ZNF695: variants seen among roughly 807,000 people sequenced by gnomAD.
ZNF695 encodes zinc finger protein SBZF3.
Under a neutral mutation model 11.2 loss-of-function variants are expected in ZNF695, and 11 were observed. The observed-to-expected ratio is 0.98, with a 90% CI of 0.62 to 1.62. The LOEUF is 1.62. Among genes scored for constraint, ZNF695 ranks in the 40% most tolerant of loss-of-function variants. ZNF695 has a pLI of 0.00. For synonymous variants in ZNF695, 190 were observed against 201.4 expected (o/e 0.94, Z 0.48); for missense variants, 559 against 590.5 (o/e 0.95, Z 0.55).
Position 246,986,072 on chromosome 1 carries a change from T to G in ZNF695, c.*895A>C, listed in dbSNP as rs1436418404. 1 of 974,894 alleles carries G rather than the reference T, an allele frequency of 1.0e-6. No homozygotes were observed. Among genetic ancestry groups the G allele is most frequent in the Non-Finnish European group, 1.2e-6 (1 of 820,492 alleles). 60.4% of individuals were successfully genotyped at this position (974,894 alleles called of 1,614,324 possible). A position where few individuals can be genotyped will look rare whatever the true frequency, so the allele number is the denominator to read the frequency against. On this transcript the variant is annotated 3_prime_UTR_variant, in exon 4 of 4. Coordinates refer to ENST00000339986, the MANE Select transcript of ZNF695 (RefSeq NM_020394.5). ...CACCGAGTATACTTTATTATTATGT[T>G]GTTATTATTATTATTGAGAAAGGGT...
chr1:246,948,553 C>A (rs1691244), intron 5 of ZNF695, among the ~76,000 whole-genome samples: 74,480 of 151,588 alleles, frequency 0.49, 18,455 homozygotes, highest in Admixed American at 0.57. Context: ...GGAAACAGTA[C>A]CTTGATTTAC....
At chr1:246,978,421 A>C (rs1461282881) in intron 4 of ZNF695, among the ~76,000 whole-genome samples, 2 of 152,242 alleles carry the variant, frequency 1.3e-5, no homozygotes, top group Admixed American at 6.5e-5. Context: ...AAGGTTTTAC[A>C]TTTTGATAAA....
chr1:247,001,414 A>T (rs978353072), intron 1 of ZNF695, among the ~76,000 whole-genome samples: 1 of 151,558 alleles, frequency 6.6e-6, no homozygotes. Context: ...AAAAAAAAAA[A>T]GAAAGAAAGA....
intron 3 of ZNF695, among the ~76,000 whole-genome samples, chr1:246,995,845 C>T (rs1028689933): frequency 3.4e-5 from 5 of 147,006 alleles, no homozygotes; most frequent in African/African-American, 5.0e-5. Flanking sequence ...AAAGAAGCTG[C>T]GGTAATTAAA....
intron 3 of ZNF695, among the ~76,000 whole-genome samples, chr1:246,989,461 C>CA (rs1668960873): frequency 6.6e-6 from 1 of 151,754 alleles, no homozygotes; most frequent in South Asian, 2.1e-4. Flanking sequence ...ATACATCAAA[C>CA]CAAAAAACAT....
At chr1:246,966,928 G>A (rs1006555302) in intron 5 of ZNF695, 5 of 432,540 alleles carry the variant, frequency 1.2e-5, no homozygotes, top group Non-Finnish European at 2.3e-5. Context: ...CATATTAAAT[G>A]TTACTTTTTT....
chr1:246,954,957 C>T (rs1474154462), intron 5 of ZNF695, among the ~76,000 whole-genome samples: 7 of 152,062 alleles, frequency 4.6e-5, no homozygotes, highest in Admixed American at 4.6e-4. Flanking sequence ...GTGTCCCCAC[C>T]CAAATCTCAT....
chr1:246,997,959 A>C (rs1669258011), intron 3 of ZNF695, among the ~76,000 whole-genome samples: 2 of 152,256 alleles, frequency 1.3e-5, no homozygotes, highest in African/African-American at 4.8e-5. Context: ...TAAGCTTTGG[A>C]AATCTAATGA....
downstream of ZNF695, among the ~76,000 whole-genome samples, chr1:246,980,557 C>T (rs191678535): frequency 3.9e-4 from 59 of 151,978 alleles, no homozygotes; most frequent in Middle Eastern, 3.4e-3. Flanking sequence ...GCCGAGATTA[C>T]AGGCGTGCAC....
intron 1 of ZNF695, among the ~76,000 whole-genome samples, chr1:247,004,888 A>G (rs1177521088): frequency 6.6e-6 from 1 of 152,254 alleles, no homozygotes; most frequent in African/African-American, 2.4e-5. Flanking sequence ...AAAGATTTCA[A>G]CAACAGAAAC....
At chr1:246,945,574 T>G (rs1457760896), downstream of ZNF695, 8 of 521,348 alleles carry the variant, frequency 1.5e-5, 1 homozygote, top group South Asian at 2.6e-4. Context: ...TTTCTATTCA[T>G]GGAGTTAGGA....
intron 5 of ZNF695, among the ~76,000 whole-genome samples, chr1:246,949,647 C>T (rs1667824572): frequency 6.6e-6 from 1 of 151,892 alleles, no homozygotes; most frequent in South Asian, 2.1e-4. Flanking sequence ...GGTTTCCTTC[C>T]TGACTGAGCT....
intron 5 of ZNF695, among the ~76,000 whole-genome samples, chr1:246,947,137 CAAAA>C (rs756767246): frequency 4.4e-5 from 4 of 90,328 alleles, no homozygotes; most frequent in Admixed American, 1.4e-4. Flanking sequence ...GAGACTCCGT[CAAAA>C]AAAAAAAAAA....
chr1:246,965,938 A>AAT (rs201734981), intron 5 of ZNF695, among the ~76,000 whole-genome samples: 1,766 of 150,632 alleles, frequency 0.012, 19 homozygotes, highest in Middle Eastern at 0.021. Context: ...GAAAATTAAA[A>AAT]ATATATATAT....
intron 5 of ZNF695, among the ~76,000 whole-genome samples, chr1:246,949,312 C>T (rs556186912): frequency 2.6e-4 from 39 of 152,236 alleles, no homozygotes; most frequent in Middle Eastern, 6.8e-3. Flanking sequence ...TCTCTTGGGC[C>T]GGGCCTGGTA....
At position 246,985,613 on chromosome 1, in the gene ZNF695, C is replaced by T; in HGVS notation, c.*1354G>A. 1.3e-6 allele frequency: 1 copy of T among 754,592 alleles called. No homozygotes were observed. Among genetic ancestry groups the T allele is most frequent in the Non-Finnish European group, 1.6e-6 (1 of 621,270 alleles). The allele number at this position is 754,592 out of a possible 1,614,324, so 46.7% of individuals were successfully genotyped here. A position where few individuals can be genotyped will look rare whatever the true frequency, so the allele number is the denominator to read the frequency against. Reference sequence around the variant, plus strand: ...CGGTCCAAAGACATTAAAACAATGTCTTATTAAAACAAATTAAGTTCAAAC... The same window carrying T: ...CGGTCCAAAGACATTAAAACAATGTTTTATTAAAACAAATTAAGTTCAAAC... On this transcript the variant is annotated 3_prime_UTR_variant, in exon 4 of 4. Coordinates refer to ENST00000339986, the MANE Select transcript of ZNF695 (RefSeq NM_020394.5).
At chr1:246,945,809 G>A (rs1469473207) in exon 6 of ZNF695, 3 of 1,550,230 alleles carry the variant, frequency 1.9e-6, no homozygotes, top group South Asian at 1.2e-5. Context: ...AAAGCAGCTC[G>A]ATGGTCGACG....
intron 4 of ZNF695, among the ~76,000 whole-genome samples, chr1:246,970,591 G>A (rs966159053): frequency 6.6e-6 from 1 of 152,214 alleles, no homozygotes; most frequent in African/African-American, 2.4e-5. Flanking sequence ...AACTCACCAA[G>A]CCTGGCAAGG....
At position 246,988,323 on chromosome 1, in the gene ZNF695, A is replaced by C. The variant is rs1442636218; in HGVS notation, c.260-68T>G. ...GCATCCTTTACAAATCTAAGGCATAAAATTATACAAGCATATTAGCAAGAT... is the reference window on the plus strand; with the variant it reads ...GCATCCTTTACAAATCTAAGGCATACAATTATACAAGCATATTAGCAAGAT... On this transcript the variant is annotated intron_variant, in intron 3 of 3. Coordinates refer to ENST00000339986, the MANE Select transcript of ZNF695 (RefSeq NM_020394.5). 4 of 1,201,626 alleles carry C rather than the reference A, an allele frequency of 3.3e-6. No homozygotes were observed. The African/African-American group carries it at 6.1e-5, about 18-fold the overall frequency. The allele number at this position is 1,201,626 out of a possible 1,614,324, so 74.4% of individuals were successfully genotyped here.
Sources: gnomAD v4.1 joint callset for allele counts (sites outside exome capture counted in the v4.1 genomes callset) on GRCh38, gnomAD v4.1.1 for gene constraint, MANE v1.5 for transcripts, NCBI Gene and HGNC (gene_info 2026-07-23, HGNC 2026-07-21) for gene names.